NYAP2: variants seen among roughly 807,000 people sequenced by gnomAD.
The protein encoded by NYAP2 is neuronal tyrosine-phosphorylated phosphoinositide-3-kinase adapter 2.
In NYAP2, 23 loss-of-function variants were observed where a neutral mutation model predicts 50.4. That is an observed-to-expected ratio of 0.46 (90% confidence interval 0.33 to 0.65). The LOEUF is 0.65. Among genes scored for constraint, NYAP2 ranks in the 30% least tolerant of loss-of-function variants. The pLI, the probability that NYAP2 is intolerant of heterozygous loss-of-function variation, is 0.02. For synonymous variants in NYAP2, 394 were observed against 365.2 expected (o/e 1.08, Z -0.90); for missense variants, 885 against 861.0 (o/e 1.03, Z -0.35).
At chr2:225,482,454 T>G (rs2106165908) in intron 3 of NYAP2, among the ~76,000 whole-genome samples, 1 of 152,226 alleles carries the variant, frequency 6.6e-6, no homozygotes, top group Middle Eastern at 3.4e-3. Flanking sequence ...AATAATATAT[T>G]CAATATTTCT....
chr2:225,610,749 A>G (rs185393665), intron 5 of NYAP2, among the ~76,000 whole-genome samples: 1 of 152,248 alleles, frequency 6.6e-6, no homozygotes, highest in Admixed American at 6.5e-5. Context: ...ATCTTTTGGA[A>G]TTGTTCTTGA....
the NYAP2 span, among the ~76,000 whole-genome samples, chr2:225,690,537 C>T: frequency 1.3e-5 from 2 of 152,014 alleles, no homozygotes; most frequent in Non-Finnish European, 2.9e-5. Flanking sequence ...CAGGTTAAGT[C>T]ACCACAGTAA....
At chr2:225,459,682 C>T (rs1024020627) in intron 3 of NYAP2, among the ~76,000 whole-genome samples, 6 of 151,806 alleles carry the variant, frequency 4.0e-5, no homozygotes, top group South Asian at 2.1e-4. Context: ...CTCGCTCTGT[C>T]GCCCAGGCTG....
intron 4 of NYAP2, among the ~76,000 whole-genome samples, chr2:225,536,874 G>A (rs1014859108): frequency 6.6e-6 from 1 of 151,642 alleles, no homozygotes; most frequent in African/African-American, 2.4e-5. Flanking sequence ...CGCCTCCCGG[G>A]TTCACGCCAT....
At chr2:225,521,159 T>G (rs1316024869) in intron 4 of NYAP2, among the ~76,000 whole-genome samples, 1 of 151,106 alleles carries the variant, frequency 6.6e-6, no homozygotes, top group Non-Finnish European at 1.5e-5. Flanking sequence ...CTTATCAGCT[T>G]AAGGAGATTT....
At chr2:225,613,501 G>A (rs1173664807) in intron 5 of NYAP2, among the ~76,000 whole-genome samples, 1 of 152,086 alleles carries the variant, frequency 6.6e-6, no homozygotes, top group East Asian at 1.9e-4. Flanking sequence ...AATACTTTAT[G>A]AGCTATCCAG....
intron 2 of NYAP2, among the ~76,000 whole-genome samples, chr2:225,401,435 A>G (rs1234709668): frequency 1.3e-5 from 2 of 152,176 alleles, no homozygotes; most frequent in South Asian, 4.1e-4. Context: ...TAGCACATTT[A>G]TGTCAGCAGT....
intron 5 of NYAP2, among the ~76,000 whole-genome samples, chr2:225,617,157 T>C (rs766893025): frequency 6.6e-6 from 1 of 152,222 alleles, no homozygotes; most frequent in Non-Finnish European, 1.5e-5. Flanking sequence ...ATCACATCAG[T>C]GGCTTATGCC....
At chr2:225,563,392 T>C (rs1050696989) in intron 4 of NYAP2, among the ~76,000 whole-genome samples, 5 of 152,078 alleles carry the variant, frequency 3.3e-5, no homozygotes, top group Admixed American at 2.6e-4. Flanking sequence ...GAGCCTGGTG[T>C]TGGGAAATCA....
chr2:225,516,722 A>G (rs1230463577), intron 4 of NYAP2, among the ~76,000 whole-genome samples: 1 of 152,192 alleles, frequency 6.6e-6, no homozygotes, highest in African/African-American at 2.4e-5. Flanking sequence ...AGCCAAAATT[A>G]TTAATATATC....
intron 3 of NYAP2, among the ~76,000 whole-genome samples, chr2:225,492,991 C>CA (rs1215026670): frequency 2.8e-5 from 4 of 144,410 alleles, no homozygotes; most frequent in Non-Finnish European, 6.1e-5. Context: ...TTTATAGCAA[C>CA]TTTTTTTTTT....
Position 225,582,434 on chromosome 2 carries a change from TC to T in NYAP2, c.1023del (p.Ala342ProfsTer31). ...CTCACAGACCCCCGCTGCTGGTATT[TC>T]CCCCCGCCCCCGTGCATTGCTCCCC... On this transcript the variant is annotated frameshift_variant, in exon 5 of 7. Coordinates refer to ENST00000636099, the Ensembl canonical transcript of NYAP2. LOFTEE classifies it high-confidence loss of function. This position sits in a 1 kb window ranked among gnomAD's most constrained non-coding sequence, Gnocchi z 7.0. 7.7e-6 allele frequency: 12 copies of T among 1,564,398 alleles called. No homozygotes were observed. Among genetic ancestry groups the T allele is most frequent in the Non-Finnish European group, 8.7e-6 (10 of 1,147,942 alleles).
chr2:225,441,305 A>G (rs1481549665), intron 3 of NYAP2, among the ~76,000 whole-genome samples: 1 of 152,228 alleles, frequency 6.6e-6, no homozygotes, highest in Non-Finnish European at 1.5e-5. Flanking sequence ...CTTTAATATG[A>G]TAAACCAAAT....
At chr2:225,475,574 C>G (rs2106161753) in intron 3 of NYAP2, among the ~76,000 whole-genome samples, 1 of 152,274 alleles carries the variant, frequency 6.6e-6, no homozygotes. Context: ...TGTTATTCCC[C>G]AAAATCTGGA....
At chr2:225,557,861 G>C (rs1691805992) in intron 4 of NYAP2, among the ~76,000 whole-genome samples, 1 of 152,130 alleles carries the variant, frequency 6.6e-6, no homozygotes, top group African/African-American at 2.4e-5. Flanking sequence ...TTTAAAGTTA[G>C]GTGGAATCAC....
intron 3 of NYAP2, among the ~76,000 whole-genome samples, chr2:225,455,465 A>G (rs551086969): frequency 4.1e-4 from 62 of 152,294 alleles, no homozygotes; most frequent in African/African-American, 1.4e-3. Context: ...GCTCCCCTTC[A>G]ATATACAGTC....
At chr2:225,449,721 G>T (rs1399759819) in intron 3 of NYAP2, among the ~76,000 whole-genome samples, 1 of 145,886 alleles carries the variant, frequency 6.9e-6, no homozygotes, top group Non-Finnish European at 1.5e-5. Flanking sequence ...TGATTCTCTT[G>T]CCTCGGCCTC....
chr2:225,449,995 A>G (rs1689625734), intron 3 of NYAP2, among the ~76,000 whole-genome samples: 1 of 152,178 alleles, frequency 6.6e-6, no homozygotes, highest in African/African-American at 2.4e-5. Flanking sequence ...TTTATTAGGT[A>G]TAATAAATAT....
chr2:225,695,308 G>GTA, the NYAP2 span, among the ~76,000 whole-genome samples: 222 of 151,812 alleles, frequency 1.5e-3, 1 homozygote, highest in African/African-American at 5.1e-3. Context: ...AGGGAATTAA[G>GTA]TAACACATGA....
Sources: allele counts gnomAD v4.1 joint callset (sites outside exome capture counted in the v4.1 genomes callset), GRCh38; gene constraint gnomAD v4.1.1; non-coding constraint Gnocchi (gnomAD v3.1); transcripts MANE v1.5; gene names NCBI Gene and HGNC (gene_info 2026-07-23, HGNC 2026-07-21).